MDGA2: variants seen among roughly 807,000 people sequenced by gnomAD.
The protein encoded by MDGA2 is MAM domain containing glycosylphosphatidylinositol anchor 2.
A neutral mutation model predicts 117.8 loss-of-function variants in MDGA2; 40 were observed. The observed-to-expected ratio is 0.34, with a 90% CI of 0.26 to 0.44. The LOEUF is 0.44. Ranked by LOEUF, MDGA2 falls within the 20% of genes least tolerant of loss-of-function variation. The pLI is 1.00. For synonymous variants in MDGA2, 452 were observed against 439.0 expected (o/e 1.03, Z -0.37); for missense variants, 1,123 against 1,250.6 (o/e 0.90, Z 1.54).
At chr14:47,121,493 T>C (rs1456010368) in intron 5 of MDGA2, among the ~76,000 whole-genome samples, 1 of 152,056 alleles carries the variant, frequency 6.6e-6, no homozygotes, top group African/African-American at 2.4e-5. Flanking sequence ...TCTGAATATA[T>C]ATATTAGTAG....
At chr14:47,674,182 G>A (rs1037336205) in intron 1 of MDGA2, among the ~76,000 whole-genome samples, 1 of 152,242 alleles carries the variant, frequency 6.6e-6, no homozygotes, top group African/African-American at 2.4e-5. Flanking sequence ...CACCGACACC[G>A]TGGCATGCAA....
At chr14:47,153,655 G>A (rs1390930373) in intron 3 of MDGA2, among the ~76,000 whole-genome samples, 1 of 150,658 alleles carries the variant, frequency 6.6e-6, no homozygotes, top group East Asian at 2.0e-4. Context: ...GGAAGGACCA[G>A]TGAGAGAGGC....
intron 3 of MDGA2, among the ~76,000 whole-genome samples, chr14:47,175,602 C>A (rs1884405061): frequency 6.6e-6 from 1 of 152,038 alleles, no homozygotes; most frequent in African/African-American, 2.4e-5. Flanking sequence ...TTCAACTACC[C>A]TTCATGCTAA....
intron 10 of MDGA2, among the ~76,000 whole-genome samples, chr14:46,897,645 T>A (rs767230483): frequency 0.62 from 92,723 of 150,226 alleles, 29,715 homozygotes; most frequent in Admixed American, 0.73. Context: ...TTAAAGATGT[T>A]TAACAGTAAG....
chr14:47,164,131 T>C (rs1883762138), intron 3 of MDGA2, among the ~76,000 whole-genome samples: 2 of 152,252 alleles, frequency 1.3e-5, no homozygotes, highest in Non-Finnish European at 2.9e-5. Context: ...TTTTGAAATC[T>C]GCTGCTTGTA....
Position 47,275,806 on chromosome 14 carries a change from C to CA in MDGA2, c.420+25604dup, listed in dbSNP as rs1268842101. On this transcript the variant is annotated intron_variant, in intron 2 of 16. Coordinates refer to ENST00000399232, the MANE Select transcript of MDGA2 (RefSeq NM_001113498.3). ...AGAAGCGCCCGATCATCTTATCTTA[C>CA]AGGAGAGAAATACTTCACTTCTGCA... 4.6e-5 allele frequency among the ~76,000 whole-genome samples: 7 copies of CA among 152,244 alleles called. No individual in the cohort carries two copies. The Middle Eastern group carries it at 0.01, about 222-fold the overall frequency.
chr14:47,220,005 T>C (rs1886241953), intron 2 of MDGA2, among the ~76,000 whole-genome samples: 1 of 152,172 alleles, frequency 6.6e-6, no homozygotes, highest in Non-Finnish European at 1.5e-5. Context: ...TATTGTTTAT[T>C]GTAAAGAAGT....
chr14:47,284,633 T>C (rs1566719599), intron 2 of MDGA2, among the ~76,000 whole-genome samples: 1 of 152,304 alleles, frequency 6.6e-6, no homozygotes, highest in Non-Finnish European at 1.5e-5. Context: ...TTTGGATCAT[T>C]TGTACATGTG....
intron 1 of MDGA2, among the ~76,000 whole-genome samples, chr14:47,660,501 G>T (rs576224398): frequency 6.6e-6 from 1 of 152,306 alleles, no homozygotes; most frequent in South Asian, 2.1e-4. Flanking sequence ...TGAGGTCTGA[G>T]GAACTCACTG....
chr14:47,656,294 A>C (rs1467219750), intron 1 of MDGA2, among the ~76,000 whole-genome samples: 4 of 152,168 alleles, frequency 2.6e-5, no homozygotes, highest in Non-Finnish European at 5.9e-5. Flanking sequence ...TTCCTATTGC[A>C]CTGCCTCATT....
At chr14:46,860,653 T>C (rs992660144) in intron 14 of MDGA2, among the ~76,000 whole-genome samples, 3 of 151,988 alleles carry the variant, frequency 2.0e-5, no homozygotes, top group South Asian at 2.1e-4. Context: ...CCAAACCATA[T>C]TGTTTTTTTC....
chr14:47,294,270 A>G (rs1443791449), intron 2 of MDGA2, among the ~76,000 whole-genome samples: 1 of 151,624 alleles, frequency 6.6e-6, no homozygotes, highest in Non-Finnish European at 1.5e-5. Context: ...TAATTTTTTT[A>G]TTTCTTTGTA....
chr14:46,966,521 C>A (rs1003509092), intron 8 of MDGA2, among the ~76,000 whole-genome samples: 5 of 152,094 alleles, frequency 3.3e-5, no homozygotes, highest in African/African-American at 1.2e-4. Flanking sequence ...AGTATTACAA[C>A]AAAACTACTA....
chr14:47,400,779 C>T (rs1328850258), intron 1 of MDGA2, among the ~76,000 whole-genome samples: 27 of 59,500 alleles, frequency 4.5e-4, no homozygotes, highest in Non-Finnish European at 7.6e-4. Context: ...TTTTTTGAGA[C>T]GGAGTCTTGC....
At chr14:47,114,067 T>C (rs1381360185) in intron 5 of MDGA2, among the ~76,000 whole-genome samples, 1 of 152,114 alleles carries the variant, frequency 6.6e-6, no homozygotes, top group African/African-American at 2.4e-5. Context: ...AGTCTCAGGA[T>C]ACAAAATCAA....
At chr14:46,948,042 T>C (rs1954233) in intron 9 of MDGA2, among the ~76,000 whole-genome samples, 58,425 of 151,798 alleles carry the variant, frequency 0.38, 11,961 homozygotes, top group East Asian at 0.65. Context: ...GTGCCTATTC[T>C]GCAATTTAGT....
intron 1 of MDGA2, among the ~76,000 whole-genome samples, chr14:47,549,016 C>T (rs1319519256): frequency 3.3e-5 from 5 of 152,006 alleles, no homozygotes; most frequent in Admixed American, 2.6e-4. Flanking sequence ...AAACATAGAA[C>T]TTGTGAATGG....
chr14:46,964,754 A>C (rs976910962), intron 8 of MDGA2, among the ~76,000 whole-genome samples: 1 of 152,136 alleles, frequency 6.6e-6, no homozygotes, highest in Non-Finnish European at 1.5e-5. Flanking sequence ...AGTTAAGTGA[A>C]TACAGTCTTT....
chr14:47,426,548 T>C (rs1892693569), intron 1 of MDGA2, among the ~76,000 whole-genome samples: 3 of 151,760 alleles, frequency 2.0e-5, no homozygotes, highest in South Asian at 4.1e-4. Flanking sequence ...TATTACTAGT[T>C]AGATAATATA....
Sources: gnomAD v4.1 joint callset for allele counts (sites outside exome capture counted in the v4.1 genomes callset) on GRCh38, gnomAD v4.1.1 for gene constraint, MANE v1.5 for transcripts, NCBI Gene and HGNC (gene_info 2026-07-23, HGNC 2026-07-21) for gene names.